GRB2: variants seen among roughly 807,000 people sequenced by gnomAD.
The protein encoded by GRB2 is growth factor receptor bound protein 2.
A neutral mutation model predicts 27.4 loss-of-function variants in GRB2; 2 were observed. That is an observed-to-expected ratio of 0.07 (90% CI 0.03 to 0.23). The LOEUF is 0.23. Ranked by LOEUF, GRB2 falls within the 10% of genes least tolerant of loss-of-function variation. The pLI is 1.00. For missense variants in GRB2, 102 were observed against 282.4 expected, an observed-to-expected ratio of 0.36 and a Z score of 4.58; for synonymous variants, 94 against 99.6, an observed-to-expected ratio of 0.94 and a Z score of 0.33.
At chr17:75,337,904 T>TACTACTAC (rs758924250) in intron 2 of GRB2, among the ~76,000 whole-genome samples, 24,992 of 101,316 alleles carry the variant, frequency 0.25, 3,462 homozygotes, top group Non-Finnish European at 0.34. Flanking sequence ...ACTACTACTA[T>TACTACTAC]TATTATTATT....
At chr17:75,332,676 C>G in intron 3 of GRB2, 24 bp downstream of exon 3, 1 of 1,426,694 alleles carries the variant, frequency 7.0e-7, no homozygotes, top group Non-Finnish European at 9.9e-7. Context: ...CCAACCCTTC[C>G]AAGACTAATG....
intron 3 of GRB2, among the ~76,000 whole-genome samples, chr17:75,327,843 T>A (rs910709955): frequency 6.6e-6 from 1 of 152,160 alleles, no homozygotes; most frequent in African/African-American, 2.4e-5. Context: ...TTAGTAACTC[T>A]GAATAGTCTG....
At chr17:75,337,070 G>A (rs1460202789) in intron 2 of GRB2, among the ~76,000 whole-genome samples, 1 of 152,136 alleles carries the variant, frequency 6.6e-6, no homozygotes, top group Non-Finnish European at 1.5e-5. Context: ...GAATGGTTAC[G>A]ATTTTGGTTA....
chr17:75,381,262 G>C (rs576157354), intron 2 of GRB2, among the ~76,000 whole-genome samples: 10 of 152,214 alleles, frequency 6.6e-5, no homozygotes, highest in Middle Eastern at 3.4e-3. Flanking sequence ...ATGCTTAAGA[G>C]AGATCTGAAA....
chr17:75,382,931 G>C (rs1385130854), intron 2 of GRB2, among the ~76,000 whole-genome samples: 4 of 152,048 alleles, frequency 2.6e-5, no homozygotes, highest in African/African-American at 9.7e-5. Context: ...GGATGGTCTC[G>C]ATCTCCTGAC....
chr17:75,330,254 T>A (rs1222018032), intron 3 of GRB2, among the ~76,000 whole-genome samples: 1 of 151,392 alleles, frequency 6.6e-6, no homozygotes, highest in Non-Finnish European at 1.5e-5. Context: ...TGGTGGCACA[T>A]GCCTGTAATC....
At chr17:75,351,256 C>T (rs2078690475) in intron 2 of GRB2, among the ~76,000 whole-genome samples, 1 of 152,104 alleles carries the variant, frequency 6.6e-6, no homozygotes, top group East Asian at 1.9e-4. Context: ...AAAAGATTCC[C>T]TCTGTACTTC....
intron 1 of GRB2, among the ~76,000 whole-genome samples, chr17:75,404,598 G>C (rs1460610188): frequency 6.6e-6 from 1 of 152,054 alleles, no homozygotes; most frequent in Non-Finnish European, 1.5e-5. Context: ...AGCATTTCGT[G>C]TCCCTAGTGG....
Position 75,329,969 on chromosome 17 carries a change from AT to A in GRB2, c.176+2730del, listed in dbSNP as rs533308029. On this transcript the variant is annotated intron_variant, in intron 3 of 5. Coordinates refer to ENST00000316804, the MANE Select transcript of GRB2 (RefSeq NM_002086.5). ...CATGTGACTACATGCTTACGGGTGA[AT>A]TTTTTTTATTTTTTATTTTTTGAGA... 2.2e-4 allele frequency among the ~76,000 whole-genome samples: 34 copies of A among 152,046 alleles called. No individual in the cohort carries two copies. The East Asian group carries it at 3.3e-3, about 15-fold the overall frequency.
At chr17:75,342,008 T>C (rs1383658981) in intron 2 of GRB2, among the ~76,000 whole-genome samples, 2 of 152,152 alleles carry the variant, frequency 1.3e-5, no homozygotes, top group African/African-American at 2.4e-5. Context: ...AGTCAGCTAG[T>C]CAACTCACCG....
intron 2 of GRB2, among the ~76,000 whole-genome samples, chr17:75,385,076 C>CAAACA (rs71161206): frequency 0.43 from 32,802 of 75,764 alleles, 8,209 homozygotes; most frequent in East Asian, 0.62. Flanking sequence ...AACAAACAAA[C>CAAACA]AAAAAAACCC....
At chr17:75,358,906 T>C (rs1466340203) in intron 2 of GRB2, among the ~76,000 whole-genome samples, 1 of 67,544 alleles carries the variant, frequency 1.5e-5, no homozygotes, top group African/African-American at 3.0e-5. Context: ...AAATTATATA[T>C]ATATATATAA....
chr17:75,342,925 T>C (rs2078630547), intron 2 of GRB2, among the ~76,000 whole-genome samples: 1 of 151,004 alleles, frequency 6.6e-6, no homozygotes, highest in Admixed American at 6.7e-5. Context: ...GGTGTGCACA[T>C]ACAGTCCCAA....
At position 75,350,501 on chromosome 17, in the gene GRB2, A is replaced by AT. The variant is rs71361672; in HGVS notation, c.79-17705dup. 5.8e-3 allele frequency among the ~76,000 whole-genome samples: 880 copies of AT among 151,864 alleles called. 5 individuals are homozygous for AT. Among genetic ancestry groups the AT allele is most frequent in the African/African-American group, 0.02 (837 of 41,434 alleles). ...CGGTAACATTTATTTATTTATTTTT[A>AT]TTTTTTTTGAGACGGAGTCTCGCTC... is the stretch of plus-strand genomic sequence containing the variant. On this transcript the variant is annotated intron_variant, in intron 2 of 5. Transcript: ENST00000316804.
At chr17:75,343,616 T>C (rs749487801) in intron 2 of GRB2, among the ~76,000 whole-genome samples, 2 of 152,182 alleles carry the variant, frequency 1.3e-5, no homozygotes, top group Non-Finnish European at 2.9e-5. Flanking sequence ...AACAGGAAGG[T>C]AGTTCACACT....
chr17:75,329,775 G>A (rs982603358), intron 3 of GRB2, among the ~76,000 whole-genome samples: 1 of 151,976 alleles, frequency 6.6e-6, no homozygotes, highest in East Asian at 1.9e-4. Context: ...AGCTGTAGAC[G>A]CAGCAACTTA....
intron 2 of GRB2, among the ~76,000 whole-genome samples, chr17:75,346,086 T>G (rs1396709744): frequency 6.7e-6 from 1 of 150,032 alleles, no homozygotes; most frequent in Non-Finnish European, 1.5e-5. Flanking sequence ...GAGGAGAGAG[T>G]CGAGGTATTT....
intron 1 of GRB2, among the ~76,000 whole-genome samples, chr17:75,403,984 G>A (rs1367468082): frequency 3.3e-5 from 5 of 151,522 alleles, no homozygotes; most frequent in Admixed American, 6.6e-5. Flanking sequence ...ATGGTGGTGG[G>A]CGCCTGTGAT....
intron 2 of GRB2, among the ~76,000 whole-genome samples, chr17:75,381,735 G>GAAAAAAAAAAAAAAA (rs72373494): frequency 8.3e-6 from 1 of 120,734 alleles, no homozygotes; most frequent in Admixed American, 1.0e-4. Flanking sequence ...AAAAAAAAAA[G>GAAAAAAAAAAAAAAA]AAAAAAAAAA....
Sources: allele counts gnomAD v4.1 joint callset (sites outside exome capture counted in the v4.1 genomes callset), GRCh38; gene constraint gnomAD v4.1.1; transcripts MANE v1.5; gene names NCBI Gene and HGNC (gene_info 2026-07-23, HGNC 2026-07-21).